The following EED variants were observed in gnomAD, a reference collection of about 807,000 sequenced individuals.
EED encodes polycomb protein EED.
A neutral mutation model predicts 61.0 loss-of-function variants in EED; 9 were observed. The observed-to-expected ratio is 0.15, with a 90% confidence interval of 0.09 to 0.26. The LOEUF is 0.26. EED is among the 10% of genes least tolerant of loss of function. EED has a pLI of 1.00. For missense variants in EED, 315 were observed against 542.3 expected, an observed-to-expected ratio of 0.58 and a Z score of 4.16; for synonymous variants, 187 against 174.4, an observed-to-expected ratio of 1.07 and a Z score of -0.57.
chr11:86,249,834 C>T (rs867611009), intron 1 of EED, among the ~76,000 whole-genome samples: 1 of 152,192 alleles, frequency 6.6e-6, no homozygotes, highest in Non-Finnish European at 1.5e-5. Context: ...TCAAACGGCT[C>T]CCCAGCTCCA....
At chr11:86,276,443 T>C (rs1364115637) in intron 9 of EED, 3 of 152,198 alleles carry the variant, frequency 2.0e-5, no homozygotes, top group Non-Finnish European at 4.4e-5. Context: ...TCATCAACTT[T>C]CCTAAGATAC....
Position 86,244,869 on chromosome 11 carries a change from C to A in EED, c.-361C>A, listed in dbSNP as rs536303617. 7.9e-6 allele frequency: 2 copies of A among 251,580 alleles called. No individual in the cohort carries two copies. Among genetic ancestry groups the A allele is most frequent in the African/African-American group, 4.4e-5 (2 of 45,418 alleles). 15.6% of individuals were successfully genotyped at this position (251,580 alleles called of 1,614,324 possible). A position where few individuals can be genotyped will look rare whatever the true frequency, so the allele number is the denominator to read the frequency against. ...GAGGGAGCATCCCTTTGAGTTTCGC[C>A]TCTTCTCGAGGCGGTGGTGGGAAGG... On this transcript the variant is annotated 5_prime_UTR_variant, in exon 1 of 12. Coordinates refer to ENST00000263360, the MANE Select transcript of EED (RefSeq NM_003797.5).
At chr11:86,287,005 A>G in the EED span, among the ~76,000 whole-genome samples, 9 of 150,262 alleles carry the variant, frequency 6.0e-5, no homozygotes, top group African/African-American at 1.2e-4. Flanking sequence ...GAAATAGACT[A>G]TACATAATAA....
intron 9 of EED, among the ~76,000 whole-genome samples, chr11:86,273,608 G>A (rs1421264178): frequency 6.6e-6 from 1 of 152,104 alleles, no homozygotes; most frequent in Non-Finnish European, 1.5e-5. Context: ...GATTCTCCTA[G>A]TTTTTCTTTA....
intron 9 of EED, 58 bp downstream of exon 9, chr11:86,268,619 GTGTGTGTA>G (rs1946041016): frequency 2.7e-6 from 3 of 1,127,056 alleles, no homozygotes; most frequent in African/African-American, 1.6e-5. Context: ...GTGTGTGTGT[GTGTGTGTA>G]TGTGTGTGCG....
At chr11:86,260,955 C>G (rs1945811534) in intron 6 of EED, among the ~76,000 whole-genome samples, 1 of 150,500 alleles carries the variant, frequency 6.6e-6, no homozygotes, top group African/African-American at 2.5e-5. Flanking sequence ...TTAATTCATT[C>G]ATAAGAGTGG....
chr11:86,287,603 G>T, the EED span, among the ~76,000 whole-genome samples: 1 of 152,252 alleles, frequency 6.6e-6, no homozygotes, highest in African/African-American at 2.4e-5. Flanking sequence ...CAATAAACTG[G>T]GTTGCCAGAA....
chr11:86,252,079 G>T, intron 2 of EED, 69 bp from the exon 3 acceptor site: 3 of 1,253,126 alleles, frequency 2.4e-6, no homozygotes, highest in East Asian at 2.4e-5. Flanking sequence ...AAGGGGATAG[G>T]TTAGTTTACT....
chr11:86,287,270 A>C, the EED span, among the ~76,000 whole-genome samples: 1 of 152,154 alleles, frequency 6.6e-6, no homozygotes, highest in Non-Finnish European at 1.5e-5. Flanking sequence ...CCATAAGTAA[A>C]AAGTGCTAAA....
chr11:86,250,239 T>TAA (rs1395275066), intron 1 of EED, 57 bp from the exon 2 acceptor site: 15 of 1,390,066 alleles, frequency 1.1e-5, no homozygotes, highest in Middle Eastern at 3.8e-4. Flanking sequence ...TAGAGTTATT[T>TAA]ACTGCTAAAA....
chr11:86,265,944 G>A (rs1945963895), intron 7 of EED, 139 bp from the exon 8 acceptor site: 1 of 610,774 alleles, frequency 1.6e-6, no homozygotes, highest in African/African-American at 1.9e-5. Flanking sequence ...CTGATTTATG[G>A]CCTATTTAGA....
Position 86,256,647 on chromosome 11 carries a change from T to G in EED, c.552+135T>G, listed in dbSNP as rs1416319007. ...ATTTGTACTTTTCTTACTGCTCTCT[T>G]TGGATGAGTCTTTTGAGACGTTTGT... On this transcript the variant is annotated intron_variant, in intron 5 of 11. Transcript: ENST00000263360. 4 of 876,072 alleles carry G rather than the reference T, an allele frequency of 4.6e-6. No individual in the cohort carries two copies. In the Admixed American group the frequency reaches 1.4e-4, roughly 32 times the overall value. 54.3% of individuals were successfully genotyped at this position (876,072 alleles called of 1,614,324 possible). A position where few individuals can be genotyped will look rare whatever the true frequency, so the allele number is the denominator to read the frequency against.
intron 3 of EED, among the ~76,000 whole-genome samples, chr11:86,252,982 A>G (rs547743720): frequency 5.3e-5 from 8 of 152,242 alleles, no homozygotes; most frequent in Admixed American, 4.6e-4. Flanking sequence ...TCTTGGGCTC[A>G]AGCAATCTAC....
the EED span, among the ~76,000 whole-genome samples, chr11:86,285,158 G>A: frequency 1.8e-3 from 276 of 152,250 alleles, 1 homozygote; most frequent in African/African-American, 6.5e-3. Context: ...GGTGGTTCAT[G>A]CCTGTAATCG....
chr11:86,247,428 ATT>A (rs1945418612), intron 1 of EED, among the ~76,000 whole-genome samples: 1 of 152,226 alleles, frequency 6.6e-6, no homozygotes, highest in Non-Finnish European at 1.5e-5. Flanking sequence ...TATGTACTTT[ATT>A]AGCACATTAA....
At chr11:86,272,320 C>T (rs377252989) in intron 9 of EED, among the ~76,000 whole-genome samples, 3 of 151,394 alleles carry the variant, frequency 2.0e-5, no homozygotes, top group South Asian at 2.1e-4. Context: ...GGCCTCCCGA[C>T]GTGCTGGGGT....
chr11:86,248,253 T>C (rs1945440210), intron 1 of EED, among the ~76,000 whole-genome samples: 1 of 152,222 alleles, frequency 6.6e-6, no homozygotes. Flanking sequence ...AATGGAAGCA[T>C]GGTGGCTGTA....
rs1411997711 is a variant in EED, at chr11:86,244,967, A to G, written c.-263A>G. ...GTAGACTGCCGGGAGGGCGGCGGGA[A>G]AAGGGCAAGACGGGAGTTGGGGAAG... On this transcript the variant is annotated 5_prime_UTR_variant, in exon 1 of 12. Coordinates refer to ENST00000263360, the MANE Select transcript of EED (RefSeq NM_003797.5). The G allele has an allele frequency of 1.8e-5, 7 of 381,104 alleles. No homozygotes were observed. The highest frequency in any genetic ancestry group is 1.4e-3 in the Middle Eastern group (2 of 1,410). The allele number at this position is 381,104 out of a possible 1,614,324, so 23.6% of individuals were successfully genotyped here.
rs1302286766 is a variant in EED at position 86,250,456 on chromosome 11, CA to C, written c.267+15del. On this transcript the variant is annotated intron_variant, in intron 2 of 11. Transcript: ENST00000263360. ...TGTGTAAATAGTCTCAAGGTATGTG[CA>C]AAAAAAGATCCTTTGGGCTGAATGC... is the stretch of plus-strand genomic sequence containing the variant. The C allele has an allele frequency of 2.6e-6, 4 of 1,555,700 alleles. No individual in the cohort carries two copies. The highest frequency in any genetic ancestry group is 4.0e-5 in the Admixed American group (2 of 49,828).
Sources: allele counts gnomAD v4.1 joint callset (sites outside exome capture counted in the v4.1 genomes callset), GRCh38; gene constraint gnomAD v4.1.1; transcripts MANE v1.5; gene names NCBI Gene and HGNC (gene_info 2026-07-23, HGNC 2026-07-21).